The following PLXNC1 variants were observed in gnomAD, a reference collection of about 807,000 sequenced individuals.
PLXNC1 encodes the protein plexin-C1.
In PLXNC1, 75 loss-of-function variants were observed where a neutral mutation model predicts 178.2. The ratio of observed to expected loss-of-function variants is 0.42; its 90% CI spans 0.35 to 0.51. PLXNC1 has a LOEUF of 0.51. Ranked by LOEUF, PLXNC1 falls within the 20% of genes least tolerant of loss-of-function variation. The pLI is 0.02. For synonymous variants in PLXNC1, 790 were observed against 779.9 expected, an observed-to-expected ratio of 1.01 and a Z score of -0.22; for missense variants, 1,503 against 1,984.4, an observed-to-expected ratio of 0.76 and a Z score of 4.61.
chr12:94,160,802 G>T (rs903752943), intron 1 of PLXNC1, among the ~76,000 whole-genome samples: 3 of 152,062 alleles, frequency 2.0e-5, no homozygotes, highest in Non-Finnish European at 2.9e-5. Flanking sequence ...CAAAATAGAT[G>T]TAATATATTA....
Position 94,248,247 on chromosome 12 carries a change from C to T in PLXNC1, c.2613C>T (p.Asn871=), listed in dbSNP as rs2230756. The T allele has an allele frequency of 0.1, 167,116 of 1,606,620 alleles. 9,822 individuals are homozygous for T. Among genetic ancestry groups the T allele is most frequent in the Non-Finnish European group, 0.11 (133,608 of 1,176,364 alleles). The stretch of plus-strand genomic sequence containing the variant: ...TACAGAAAGAAAATGACAACTTCAA[C>T]ATTTCCAAAAAAGACATTGAAATTA... ...VKIQKENDNF[N]ISKKDIEITL... The change falls in exon 14 of 31, where the codon AAC becomes AAT. Residue 871 remains asparagine, a synonymous_variant. Transcript: ENST00000258526.
intron 4 of PLXNC1, among the ~76,000 whole-genome samples, chr12:94,188,589 G>A (rs1257985877): frequency 2.6e-5 from 4 of 152,168 alleles, no homozygotes; most frequent in Admixed American, 1.3e-4. Context: ...CTCCCAAATT[G>A]CCAGGATTAC....
At chr12:94,211,006 A>G (rs1242883739) in intron 5 of PLXNC1, among the ~76,000 whole-genome samples, 1 of 152,146 alleles carries the variant, frequency 6.6e-6, no homozygotes, top group African/African-American at 2.4e-5. Context: ...TTTTTTTCTT[A>G]TGTTATTTAT....
chr12:94,149,636 G>A lies in PLXNC1; in HGVS notation c.665G>A (p.Arg222His). Residue 222 changes from arginine (R) to histidine (H), a missense_variant, in exon 1 of 31, where the codon CGC becomes CAC. Physicochemically the swap from Arg to His is conservative, Grantham distance 29 (BLOSUM62 0). Around this residue, in one of 4 missense-constraint regions of PLXNC1, gnomAD observed 615 missense variants for 698.6 expected, o/e 0.88. Transcript: ENST00000258526. ...AGCCTGGCCACGCAGGAGCTGGGGC[G>A]CCTCAAGCTGTGCGAGGGCGCGGGC... is the stretch of plus-strand genomic sequence containing the variant. ...GRSLATQELG[R>H]LKLCEGAGSL... 6.3e-7 allele frequency: 1 copy of A among 1,597,522 alleles called. No homozygotes were observed. The highest frequency in any genetic ancestry group is 1.1e-5 in the South Asian group (1 of 89,036).
chr12:94,237,001 T>C (rs561764319), intron 9 of PLXNC1, among the ~76,000 whole-genome samples: 1 of 152,304 alleles, frequency 6.6e-6, no homozygotes, highest in Admixed American at 6.5e-5. Context: ...AGCAAGGGAC[T>C]CCAAGGGACA....
In PLXNC1 at chr12:94,162,861, T is replaced by C. The variant is rs139046225; in HGVS notation, c.1063-6292T>C. Among the ~76,000 whole-genome samples, 194 of 152,244 alleles carry C rather than the reference T, an allele frequency of 1.3e-3. 1 individual carries two copies. The highest frequency in any genetic ancestry group is 4.4e-3 in the African/African-American group (184 of 41,514). ...GATTTCAGTGGTTCTTAACAGGGGA[T>C]AATGACATTTACTTAGGGGATGTTG... On this transcript the variant is annotated intron_variant, in intron 1 of 30. Transcript: ENST00000258526.
intron 20 of PLXNC1, among the ~76,000 whole-genome samples, chr12:94,261,743 T>C (rs1964993564): frequency 6.6e-6 from 1 of 152,206 alleles, no homozygotes; most frequent in Non-Finnish European, 1.5e-5. Flanking sequence ...AATTAAACTT[T>C]GAATAAGATA....
At chr12:94,277,602 G>T (rs1460726725) in intron 21 of PLXNC1, among the ~76,000 whole-genome samples, 2 of 152,164 alleles carry the variant, frequency 1.3e-5, no homozygotes, top group African/African-American at 4.8e-5. Flanking sequence ...GCTTGCGGTG[G>T]ACTGGGATGA....
At chr12:94,202,872 A>G (rs1478966712) in intron 4 of PLXNC1, among the ~76,000 whole-genome samples, 1 of 152,202 alleles carries the variant, frequency 6.6e-6, no homozygotes, top group African/African-American at 2.4e-5. Context: ...GGGCATGGAA[A>G]CATGTATTGC....
At chr12:94,177,175 ACGTATATATATGTATATATATATACG>A (rs1565794305) in intron 2 of PLXNC1, among the ~76,000 whole-genome samples, 16 of 46,238 alleles carry the variant, frequency 3.5e-4, no homozygotes, top group African/African-American at 1.7e-3. Flanking sequence ...ATATATATAT[ACGTATATATATGTATATATATATACG>A]TATATATATA....
intron 9 of PLXNC1, 51 bp downstream of exon 9, chr12:94,227,286 C>A: frequency 9.5e-7 from 1 of 1,052,330 alleles, no homozygotes; most frequent in Non-Finnish European, 1.5e-6. Flanking sequence ...TTTGAATGAC[C>A]ATGACCACAA....
In PLXNC1 at chr12:94,240,645, C is replaced by T. The variant is rs571154689; in HGVS notation, c.2281C>T (p.Pro761Ser). ...IALPHCSLIF[P>S]ATTWISGGQN... is the part of the protein sequence containing the mutation. The stretch of plus-strand genomic sequence containing the variant: ...TCTGCCACATTGTTCCCTTATATTT[C>T]CTGCTACCACCTGGATCAGGTACTT... Residue 761 changes from proline to serine, a missense_variant, in exon 11 of 31, where the codon CCT becomes TCT. By Grantham distance (74) the Pro-to-Ser change is moderately conservative (BLOSUM62 -1). Transcript: ENST00000258526. The T allele has an allele frequency of 6.2e-7, 1 of 1,612,488 alleles. No homozygotes were observed. Among genetic ancestry groups the T allele is most frequent in the African/African-American group, 1.3e-5 (1 of 74,956 alleles).
At chr12:94,228,661 C>T (rs1158550782) in intron 9 of PLXNC1, among the ~76,000 whole-genome samples, 1 of 152,122 alleles carries the variant, frequency 6.6e-6, no homozygotes, top group Non-Finnish European at 1.5e-5. Context: ...TTGAATTTGT[C>T]TATTTGTGCT....
chr12:94,222,177 A>G (rs552328769), intron 6 of PLXNC1, among the ~76,000 whole-genome samples: 2 of 152,346 alleles, frequency 1.3e-5, no homozygotes, highest in South Asian at 2.1e-4. Flanking sequence ...TTGCTCACCT[A>G]TAAAATATGC....
Position 94,275,787 on chromosome 12 carries a change from G to A in PLXNC1, c.3598-3685G>A, listed in dbSNP as rs1288093416. The stretch of plus-strand genomic sequence containing the variant: ...GGAGAATGGCGTGAACCCGGGAGGC[G>A]GAGCTTGCAGTGAGCCGAGATCCCG... On this transcript the variant is annotated intron_variant, in intron 21 of 30. Transcript: ENST00000258526. Among the ~76,000 whole-genome samples, 12 of 87,052 alleles carry A rather than the reference G, an allele frequency of 1.4e-4. 3 individuals carry two copies. The highest frequency in any genetic ancestry group is 3.2e-4 in the East Asian group (1 of 3,124). 57.1% of individuals were successfully genotyped at this position (87,052 alleles called of 152,430 possible). A position where few individuals can be genotyped will look rare whatever the true frequency, so the allele number is the denominator to read the frequency against.
chr12:94,295,204 A>G (rs1967781929), intron 24 of PLXNC1, among the ~76,000 whole-genome samples: 1 of 152,214 alleles, frequency 6.6e-6, no homozygotes, highest in African/African-American at 2.4e-5. Context: ...ACACACAGCC[A>G]GAGGTAGGGC....
rs758783753 is a variant in PLXNC1 at position 94,259,351 on chromosome 12, C to T, written c.3102C>T (p.Thr1034=). ...CTTCCTCTCAGTCAGGTGGCTTCACCCACATCTTCACTGAAGATATGCATG... is the reference window on the plus strand; with the variant it reads ...CTTCCTCTCAGTCAGGTGGCTTCACTCACATCTTCACTGAAGATATGCATG... The part of the protein sequence containing the change: ...RTFFPESGGF[T]HIFTEDMHNR... The change falls in exon 18 of 31, where the codon ACC becomes ACT. Residue 1034 remains threonine, a synonymous_variant. Coordinates refer to ENST00000258526, the MANE Select transcript of PLXNC1 (RefSeq NM_005761.3). The T allele has an allele frequency of 6.3e-7, 1 of 1,594,782 alleles. No individual in the cohort carries two copies. The highest frequency in any genetic ancestry group is 8.5e-7 in the Non-Finnish European group (1 of 1,174,038).
chr12:94,204,630 G>A (rs1963241662), intron 4 of PLXNC1, among the ~76,000 whole-genome samples: 1 of 152,102 alleles, frequency 6.6e-6, no homozygotes, highest in African/African-American at 2.4e-5. Context: ...TCCTATTCTC[G>A]TCCATTCAGT....
In PLXNC1 at chr12:94,253,962, AGCCCCC is replaced by A. The variant is rs1309250705; in HGVS notation, c.2882-822_2882-817del. On this transcript the variant is annotated intron_variant, in intron 15 of 30. Coordinates refer to ENST00000258526, the MANE Select transcript of PLXNC1 (RefSeq NM_005761.3). ...TCAAAGAGCTGGAATTACAGACGTAAGCCCCCGCACCTGGCTGTAATTTCTATAAGG... is the reference window on the plus strand; with the variant it reads ...TCAAAGAGCTGGAATTACAGACGTAAGCACCTGGCTGTAATTTCTATAAGG... Among the ~76,000 whole-genome samples the A allele has an allele frequency of 2.9e-5, 3 of 102,868 alleles. No homozygotes were observed. In the Admixed American group the frequency reaches 3.0e-4, roughly 10 times the overall value. 67.5% of individuals were successfully genotyped at this position (102,868 alleles called of 152,430 possible).
Sources: allele counts gnomAD v4.1 joint callset (sites outside exome capture counted in the v4.1 genomes callset), GRCh38; gene constraint gnomAD v4.1.1; regional missense constraint gnomAD v4.1.1; transcripts MANE v1.5; gene names NCBI Gene and HGNC (gene_info 2026-07-23, HGNC 2026-07-21).